Variants in LAMC3 observed in about 807,000 individuals in gnomAD.
LAMC3 encodes laminin subunit gamma 3.
In LAMC3, 128 loss-of-function variants were observed where a neutral mutation model predicts 173.8. The observed-to-expected ratio is 0.74, with a 90% CI of 0.64 to 0.85. LAMC3 has a LOEUF of 0.85. Ranked by LOEUF, LAMC3 falls within the 40% of genes least tolerant of loss-of-function variation. The probability of loss-of-function intolerance (pLI) is 0.00; values close to 1 mark genes in which losing one functional copy is unlikely to be tolerated. For missense variants in LAMC3, 2,022 were observed against 2,156.0 expected (o/e 0.94, Z 1.23); for synonymous variants, 897 against 909.1 (o/e 0.99, Z 0.24).
At chr9:131,054,525 G>A (rs1440408626) in intron 11 of LAMC3, among the ~76,000 whole-genome samples, 5 of 152,270 alleles carry the variant, frequency 3.3e-5, no homozygotes, top group African/African-American at 7.2e-5. Context: ...AGGCTGAGGC[G>A]GGCGGATCAC....
chr9:131,072,397 G>A (rs567329622), intron 18 of LAMC3, among the ~76,000 whole-genome samples: 4 of 152,138 alleles, frequency 2.6e-5, no homozygotes, highest in East Asian at 3.8e-4. Flanking sequence ...GGTCTCTCCC[G>A]GTCCCTGTGT....
At chr9:131,070,465 C>G (rs1293791042) in intron 17 of LAMC3, among the ~76,000 whole-genome samples, 1 of 152,226 alleles carries the variant, frequency 6.6e-6, no homozygotes, top group Non-Finnish European at 1.5e-5. Flanking sequence ...GTAATCCCAG[C>G]ACTTTGGGAG....
chr9:131,016,084 T>G (rs1034473540), intron 1 of LAMC3, among the ~76,000 whole-genome samples: 3 of 152,166 alleles, frequency 2.0e-5, no homozygotes, highest in African/African-American at 7.2e-5. Context: ...AAAAAGGAGA[T>G]TCTCACACAG....
chr9:131,035,832 C>T (rs1270506336), intron 3 of LAMC3, among the ~76,000 whole-genome samples: 1 of 152,172 alleles, frequency 6.6e-6, no homozygotes, highest in Non-Finnish European at 1.5e-5. Flanking sequence ...CCTCTCAGCC[C>T]CCAGGTGGGG....
At position 131,092,147 on chromosome 9, in the gene LAMC3, A is replaced by C; in HGVS notation, c.*360A>C. On this transcript the variant is annotated 3_prime_UTR_variant, in exon 28 of 28. Coordinates refer to ENST00000361069, the MANE Select transcript of LAMC3 (RefSeq NM_006059.4). ...CAGCAGCTTACGGTCCACACACATT[A>C]CAGTCCACAGCTGTTGTGAGAGCCA... is the stretch of plus-strand genomic sequence containing the variant. 3.0e-6 allele frequency: 1 copy of C among 338,712 alleles called. No homozygotes were observed. The highest frequency in any genetic ancestry group is 5.7e-6 in the Non-Finnish European group (1 of 176,090). The allele number at this position is 338,712 out of a possible 1,614,324, so 21.0% of individuals were successfully genotyped here.
intron 25 of LAMC3, among the ~76,000 whole-genome samples, chr9:131,086,321 A>C (rs1370069491): frequency 6.6e-6 from 1 of 150,958 alleles, no homozygotes; most frequent in Non-Finnish European, 1.5e-5. Context: ...CAGATGATCC[A>C]CCTACCTTGG....
intron 4 of LAMC3, among the ~76,000 whole-genome samples, chr9:131,037,814 T>C (rs1833972471): frequency 6.6e-6 from 1 of 152,154 alleles, no homozygotes; most frequent in Non-Finnish European, 1.5e-5. Flanking sequence ...AAGGACAAAT[T>C]TAGTAACATC....
At chr9:131,058,820 G>A (rs1031760252) in intron 12 of LAMC3, among the ~76,000 whole-genome samples, 5 of 151,462 alleles carry the variant, frequency 3.3e-5, no homozygotes, top group African/African-American at 1.2e-4. Flanking sequence ...CTTGAACCCA[G>A]GAGGCAGAGG....
chr9:131,079,472 A>G (rs1325798963), intron 23 of LAMC3, among the ~76,000 whole-genome samples, 174 bp downstream of exon 23: 1 of 152,134 alleles, frequency 6.6e-6, no homozygotes, highest in Non-Finnish European at 1.5e-5. Flanking sequence ...AGACGGGTGG[A>G]TCACGAGGTC....
chr9:131,061,099 T>C lies in LAMC3; in HGVS notation c.2223T>C (p.Tyr741=). ...PSCERCLPGF[Y]GNPFAGQADD... ...GTGAACGCTGTTTGCCAGGTTTCTA[T>C]GGCAACCCTTTCGCGGGCCAAGCCG... The change falls in exon 13 of 28, where the codon TAT becomes TAC. Residue 741 remains tyrosine, a synonymous_variant. Coordinates refer to ENST00000361069, the MANE Select transcript of LAMC3 (RefSeq NM_006059.4). The C allele has an allele frequency of 6.2e-7, 1 of 1,614,100 alleles. No homozygotes were observed. The highest frequency in any genetic ancestry group is 8.5e-7 in the Non-Finnish European group (1 of 1,180,016).
intron 20 of LAMC3, among the ~76,000 whole-genome samples, chr9:131,074,278 G>T (rs1830085447): frequency 6.6e-6 from 1 of 151,788 alleles, no homozygotes; most frequent in South Asian, 2.1e-4. Flanking sequence ...CATCCACATT[G>T]TGGCATGGGT....
intron 27 of LAMC3, 115 bp from the exon 28 acceptor site, chr9:131,091,422 G>C: frequency 7.3e-7 from 1 of 1,369,246 alleles, no homozygotes; most frequent in Non-Finnish European, 1.0e-6. Flanking sequence ...CTGGTGGATG[G>C]TGGGCCATTG....
In LAMC3 at chr9:131,009,948, G is replaced by A. The variant is rs1833382365; in HGVS notation, c.373+361G>A. ...GCGGGCGGATCACCTGAGGTCAGGA[G>A]TTCGAGACCAGCCTGGCCAACATGG... is the stretch of plus-strand genomic sequence containing the variant. On this transcript the variant is annotated intron_variant, in intron 1 of 27. Transcript: ENST00000361069. The surrounding 1 kb of genome is among the most constrained non-coding windows in gnomAD (Gnocchi z 4.3). 6.6e-6 allele frequency among the ~76,000 whole-genome samples: 1 copy of A among 152,038 alleles called. No homozygotes were observed. The highest frequency in any genetic ancestry group is 1.5e-5 in the Non-Finnish European group (1 of 68,014).
chr9:131,026,432 C>A lies in LAMC3; in HGVS notation c.521C>A (p.Pro174His), dbSNP rs2275137. The A allele has an allele frequency of 0.2, 322,101 of 1,613,504 alleles. 38,946 individuals are homozygous for A. Among genetic ancestry groups the A allele is most frequent in the African/African-American group, 0.57 (42,392 of 74,972 alleles). The change falls in exon 2 of 28, where the codon CCC (proline) becomes CAC (histidine). Residue 174 changes from proline to histidine, a missense_variant. Physicochemically the swap from Pro to His is moderately conservative, Grantham distance 77 (BLOSUM62 -2). Coordinates refer to ENST00000361069, the MANE Select transcript of LAMC3 (RefSeq NM_006059.4). This position sits in a 1 kb window ranked among gnomAD's most constrained non-coding sequence, Gnocchi z 4.8. ...SASCQKTYGR[P>H]EGQYLRPGED... ...TCCTGCCAGAAGACCTACGGCCGGC[C>A]CGAGGGCCAGTACCTGCGCCCCGGC...
At position 131,085,637 on chromosome 9, in the gene LAMC3, A is replaced by G; in HGVS notation, c.4144A>G (p.Arg1382Gly). ...GAGAAAGAAGACCAAGCAGGCGGAG[A>G]GGATGCTGGGAAACGCGGCCCCTCT... ...DTRKKTKQAE[R>G]MLGNAAPLSS... Residue 1382 changes from arginine (R) to glycine (G), a missense_variant, in exon 25 of 28, where the codon AGG (arginine) becomes GGG (glycine). Coordinates refer to ENST00000361069, the MANE Select transcript of LAMC3 (RefSeq NM_006059.4). 1 of 1,614,194 alleles carries G rather than the reference A, an allele frequency of 6.2e-7. No individual in the cohort carries two copies.
intron 24 of LAMC3, among the ~76,000 whole-genome samples, chr9:131,084,517 A>G (rs1236510825): frequency 1.3e-5 from 2 of 152,180 alleles, no homozygotes; most frequent in Non-Finnish European, 2.9e-5. Context: ...AATTTCCCTT[A>G]GAATTTTATC....
rs111357681 is a variant in LAMC3, at chr9:131,025,548, T to C, written c.374-737T>C. 2.1e-3 allele frequency among the ~76,000 whole-genome samples: 318 copies of C among 151,496 alleles called. 2 individuals are homozygous for C. Among genetic ancestry groups the C allele is most frequent in the Non-Finnish European group, 1.5e-3 (105 of 67,800 alleles). On this transcript the variant is annotated intron_variant, in intron 1 of 27. Coordinates refer to ENST00000361069, the MANE Select transcript of LAMC3 (RefSeq NM_006059.4). Reference sequence around the variant, plus strand: ...GGGTTCAGGGAGCAAGCAGAGGGGCTCAGGAGGGGGCCAAGGCAGGCAAAG... The same window carrying C: ...GGGTTCAGGGAGCAAGCAGAGGGGCCCAGGAGGGGGCCAAGGCAGGCAAAG...
intron 27 of LAMC3, among the ~76,000 whole-genome samples, chr9:131,089,637 CT>C (rs950564244): frequency 3.3e-5 from 5 of 151,954 alleles, no homozygotes; most frequent in African/African-American, 1.2e-4. Context: ...ATCCTCCTGC[CT>C]TGGCCTCCCA....
rs113820799 is a variant in LAMC3, at chr9:131,045,246, C to A, written c.1383-278C>A. On this transcript the variant is annotated intron_variant, in intron 7 of 27. Transcript: ENST00000361069. ...CAAAAAAAAAAAAAAACAACAACAACAAAAAAACAAAACCTAATAAAGTCT... is the reference window on the plus strand; with the variant it reads ...CAAAAAAAAAAAAAAACAACAACAAAAAAAAAACAAAACCTAATAAAGTCT... Among the ~76,000 whole-genome samples the A allele has an allele frequency of 2.1e-3, 304 of 144,540 alleles. 1 individual carries two copies. Among genetic ancestry groups the A allele is most frequent in the African/African-American group, 4.6e-3 (175 of 37,672 alleles). 94.8% of individuals were successfully genotyped at this position (144,540 alleles called of 152,430 possible). A position where few individuals can be genotyped will look rare whatever the true frequency, so the allele number is the denominator to read the frequency against.
Sources: allele counts gnomAD v4.1 joint callset (sites outside exome capture counted in the v4.1 genomes callset), GRCh38; gene constraint gnomAD v4.1.1; non-coding constraint Gnocchi (gnomAD v3.1); transcripts MANE v1.5; gene names NCBI Gene and HGNC (gene_info 2026-07-23, HGNC 2026-07-21).